Variants in PTPRG observed in about 807,000 individuals in gnomAD.
PTPRG encodes the protein receptor-type tyrosine-protein phosphatase gamma.
PTPRG carries 102 observed loss-of-function variants against 165.3 expected under a neutral mutation model. The ratio of observed to expected loss-of-function variants is 0.62; its 90% confidence interval spans 0.53 to 0.73. PTPRG has a LOEUF of 0.73. Among genes scored for constraint, PTPRG ranks in the 30% least tolerant of loss-of-function variants. The pLI is 0.00. For missense variants in PTPRG, 1,866 were observed against 1,861.4 expected (o/e 1.00, Z -0.05); for synonymous variants, 675 against 669.5 (o/e 1.01, Z -0.13).
intron 1 of PTPRG, among the ~76,000 whole-genome samples, chr3:61,632,378 A>G (rs1478686835): frequency 6.6e-6 from 1 of 152,184 alleles, no homozygotes; most frequent in South Asian, 2.1e-4. Flanking sequence ...CATAGGTGTA[A>G]TGCTTATAAT....
At chr3:61,820,415 T>TA in intron 2 of PTPRG, among the ~76,000 whole-genome samples, 1 of 152,274 alleles carries the variant, frequency 6.6e-6, no homozygotes. Context: ...TATTAAGTGG[T>TA]GCCCACCCAT....
chr3:62,013,178 T>C (rs1450089208), intron 4 of PTPRG, among the ~76,000 whole-genome samples: 1 of 152,158 alleles, frequency 6.6e-6, no homozygotes, highest in Middle Eastern at 3.2e-3. Context: ...TTCCAAAATA[T>C]TGTTTTAACA....
At chr3:62,149,270 C>T (rs76828443) in intron 6 of PTPRG, among the ~76,000 whole-genome samples, 1 of 137,992 alleles carries the variant, frequency 7.2e-6, no homozygotes. Flanking sequence ...AGGGAGGCCT[C>T]TTTTTTTTTT....
intron 10 of PTPRG, among the ~76,000 whole-genome samples, chr3:62,196,934 T>G (rs1374286784): frequency 2.0e-5 from 3 of 152,214 alleles, no homozygotes; most frequent in Non-Finnish European, 4.4e-5. Context: ...AAGCCTCATT[T>G]GAGAAGTGCA....
intron 2 of PTPRG, among the ~76,000 whole-genome samples, chr3:61,883,831 C>T (rs1471956256): frequency 6.6e-6 from 1 of 152,120 alleles, no homozygotes; most frequent in Admixed American, 6.5e-5. Flanking sequence ...CCCACCCCAG[C>T]CTCTCAAGTA....
intron 4 of PTPRG, among the ~76,000 whole-genome samples, chr3:62,067,619 A>G (rs1701059834): frequency 6.6e-6 from 1 of 152,234 alleles, no homozygotes; most frequent in Non-Finnish European, 1.5e-5. Context: ...AGATGGTCCC[A>G]TCTAGGGATG....
intron 28 of PTPRG, among the ~76,000 whole-genome samples, chr3:62,290,525 G>C (rs1401153091): frequency 1.3e-5 from 2 of 152,112 alleles, no homozygotes; most frequent in African/African-American, 2.4e-5. Context: ...TGCTTTATCA[G>C]ATATCAAGAC....
At chr3:62,281,124 C>G (rs9824098) in intron 26 of PTPRG, among the ~76,000 whole-genome samples, 2 of 151,874 alleles carry the variant, frequency 1.3e-5, no homozygotes, top group Middle Eastern at 3.4e-3. Context: ...AGAAAACTTA[C>G]AGTGTTTATG....
chr3:62,104,681 GCTT>G, intron 5 of PTPRG, among the ~76,000 whole-genome samples: 1 of 152,240 alleles, frequency 6.6e-6, no homozygotes, highest in East Asian at 1.9e-4. Flanking sequence ...TTAACTCTCT[GCTT>G]CTTCTTGCTT....
At chr3:61,953,545 A>G (rs991351612) in intron 2 of PTPRG, among the ~76,000 whole-genome samples, 3 of 152,148 alleles carry the variant, frequency 2.0e-5, no homozygotes, top group African/African-American at 4.8e-5. Context: ...GTATATTGCA[A>G]TGGCAATTAA....
At chr3:62,181,597 T>C (rs1012715729) in intron 8 of PTPRG, among the ~76,000 whole-genome samples, 10 of 152,214 alleles carry the variant, frequency 6.6e-5, no homozygotes, top group Admixed American at 1.3e-4. Context: ...TTAAAAAGCG[T>C]GTAATTATAT....
At chr3:61,798,621 T>TTG (rs1345674313) in intron 2 of PTPRG, among the ~76,000 whole-genome samples, 1 of 147,518 alleles carries the variant, frequency 6.8e-6, no homozygotes, top group Non-Finnish European at 1.5e-5. Flanking sequence ...TGCTGCTGGT[T>TTG]TTTTTTTTTT....
intron 7 of PTPRG, among the ~76,000 whole-genome samples, chr3:62,158,703 C>T (rs750660501): frequency 6.6e-6 from 1 of 152,146 alleles, no homozygotes; most frequent in Non-Finnish European, 1.5e-5. Flanking sequence ...ATCCCCCTAA[C>T]CAAGTTAGGT....
intron 1 of PTPRG, among the ~76,000 whole-genome samples, chr3:61,748,507 CAAGTTA>C (rs2033299910): frequency 6.6e-6 from 1 of 152,144 alleles, no homozygotes; most frequent in Non-Finnish European, 1.5e-5. Flanking sequence ...TGACCTTGGT[CAAGTTA>C]AAGTTCTTTC....
chr3:62,138,773 C>T (rs958265915), intron 6 of PTPRG, among the ~76,000 whole-genome samples: 3 of 150,348 alleles, frequency 2.0e-5, no homozygotes, highest in African/African-American at 7.3e-5. Context: ...CGTCGCTTCT[C>T]GTCCTTTCGG....
intron 3 of PTPRG, among the ~76,000 whole-genome samples, chr3:61,994,468 A>G (rs954863490): frequency 1.3e-5 from 2 of 152,152 alleles, no homozygotes; most frequent in African/African-American, 4.8e-5. Flanking sequence ...ATTTGTCTGC[A>G]TATGCCATAG....
At chr3:61,874,615 C>T (rs1010916934) in intron 2 of PTPRG, among the ~76,000 whole-genome samples, 1 of 152,024 alleles carries the variant, frequency 6.6e-6, no homozygotes, top group Admixed American at 6.5e-5. Flanking sequence ...GAATGGGTCT[C>T]CTTCTCCCTG....
intron 2 of PTPRG, among the ~76,000 whole-genome samples, chr3:61,951,031 G>A (rs757010227): frequency 1.3e-5 from 2 of 152,188 alleles, no homozygotes; most frequent in African/African-American, 4.8e-5. Flanking sequence ...ACATGGAACT[G>A]GTTAAAATAT....
intron 2 of PTPRG, among the ~76,000 whole-genome samples, chr3:61,862,889 A>C (rs536984347): frequency 1.3e-5 from 2 of 152,252 alleles, no homozygotes; most frequent in East Asian, 3.9e-4. Flanking sequence ...AGTCCCTCCT[A>C]CTATGTGACA....
Sources: gnomAD v4.1 joint callset for allele counts (sites outside exome capture counted in the v4.1 genomes callset) on GRCh38, gnomAD v4.1.1 for gene constraint, MANE v1.5 for transcripts, NCBI Gene and HGNC (gene_info 2026-07-23, HGNC 2026-07-21) for gene names.